The following ANKRD26 variants were observed in gnomAD, a reference collection of about 807,000 sequenced individuals.
ANKRD26 encodes ankyrin repeat domain-containing protein 26.
Under a neutral mutation model 208.7 loss-of-function variants are expected in ANKRD26, and 141 were observed. The ratio of observed to expected loss-of-function variants is 0.68; its 90% CI spans 0.59 to 0.78. ANKRD26 has a LOEUF of 0.78. Ranked by LOEUF, ANKRD26 falls within the 30% of genes least tolerant of loss-of-function variation. The probability of loss-of-function intolerance (pLI) is 0.00; values close to 1 mark genes in which losing one functional copy is unlikely to be tolerated. For missense variants in ANKRD26, 1,889 were observed against 1,938.7 expected (o/e 0.97, Z 0.48); for synonymous variants, 636 against 660.4 (o/e 0.96, Z 0.57).
chr10:27,052,884 A>G (rs1033961579), intron 16 of ANKRD26, among the ~76,000 whole-genome samples: 2 of 152,148 alleles, frequency 1.3e-5, no homozygotes, highest in Non-Finnish European at 2.9e-5. Context: ...GTGACCAGCA[A>G]TATAAGAATG....
intron 4 of ANKRD26, among the ~76,000 whole-genome samples, chr10:26,981,931 T>C (rs982705836): frequency 2.2e-4 from 33 of 152,186 alleles, no homozygotes; most frequent in African/African-American, 7.7e-4. Context: ...ACCCTAATTA[T>C]GTTCCTCTGA....
intron 5 of ANKRD26, among the ~76,000 whole-genome samples, chr10:26,980,538 T>C (rs1312758806): frequency 6.6e-6 from 1 of 152,240 alleles, no homozygotes; most frequent in African/African-American, 2.4e-5. Flanking sequence ...GCTCAGCCTT[T>C]GACCAGGTTT....
At chr10:26,956,236 T>TA in the ANKRD26 span, among the ~76,000 whole-genome samples, 35 of 152,272 alleles carry the variant, frequency 2.3e-4, no homozygotes, top group African/African-American at 8.4e-4. Context: ...GAATTTGGGC[T>TA]AAAAATAGGA....
At chr10:26,953,745 C>A in the ANKRD26 span, among the ~76,000 whole-genome samples, 1 of 152,142 alleles carries the variant, frequency 6.6e-6, no homozygotes, top group Non-Finnish European at 1.5e-5. Flanking sequence ...TTGGAATTTT[C>A]TCTGGGGTTT....
chr10:27,060,807 T>C (rs756731315), intron 13 of ANKRD26, among the ~76,000 whole-genome samples: 11 of 152,214 alleles, frequency 7.2e-5, no homozygotes, highest in Non-Finnish European at 2.9e-5. Flanking sequence ...AATAGAAAAG[T>C]GCACATATAC....
intron 32 of ANKRD26, 65 bp from the exon 33 acceptor site, chr10:27,007,027 T>A (rs960713507): frequency 8.2e-7 from 1 of 1,225,180 alleles, no homozygotes; most frequent in African/African-American, 1.5e-5. Context: ...ATAGAAATGA[T>A]GTATCACTTA....
chr10:27,051,417 A>C (rs2054656058), intron 16 of ANKRD26: 1 of 1,138,220 alleles, frequency 8.8e-7, no homozygotes, highest in South Asian at 2.0e-5. Context: ...ATACTGAGGC[A>C]CACGTCTGAT....
At chr10:27,088,825 A>G (rs2056205029) in intron 4 of ANKRD26, among the ~76,000 whole-genome samples, 1 of 152,216 alleles carries the variant, frequency 6.6e-6, no homozygotes, top group African/African-American at 2.4e-5. Context: ...AATATTTGCT[A>G]GAGAAAAGAC....
intron 25 of ANKRD26, 47 bp downstream of exon 25, chr10:27,033,178 T>C (rs1260364900): frequency 6.8e-7 from 1 of 1,476,762 alleles, no homozygotes; most frequent in African/African-American, 1.4e-5. Flanking sequence ...ACTATATATT[T>C]AACCAGTTAT....
chr10:27,065,837 G>A (rs901901460), intron 11 of ANKRD26, among the ~76,000 whole-genome samples: 1 of 148,134 alleles, frequency 6.8e-6, no homozygotes, highest in African/African-American at 2.5e-5. Flanking sequence ...CTTGGCCATA[G>A]GCTAACCTGA....
chr10:26,950,511 A>T, the ANKRD26 span, among the ~76,000 whole-genome samples: 33 of 152,394 alleles, frequency 2.2e-4, no homozygotes, highest in African/African-American at 7.9e-4. Flanking sequence ...TCATGGGGAC[A>T]GATTCCTCAT....
downstream of ANKRD26, among the ~76,000 whole-genome samples, chr10:26,988,333 C>A (rs2052424131): frequency 6.6e-6 from 1 of 152,112 alleles, no homozygotes; most frequent in Non-Finnish European, 1.5e-5. Context: ...GTGAGCACAG[C>A]TGAAGTTTAT....
At chr10:27,055,354 A>G (rs2054803197) in intron 15 of ANKRD26, among the ~76,000 whole-genome samples, 1 of 152,212 alleles carries the variant, frequency 6.6e-6, no homozygotes, top group African/African-American at 2.4e-5. Flanking sequence ...AAACAAGCAT[A>G]TATATGTATA....
intron 9 of ANKRD26, among the ~76,000 whole-genome samples, chr10:27,071,825 C>T (rs772582460): frequency 1.4e-4 from 21 of 152,144 alleles, no homozygotes; most frequent in Non-Finnish European, 1.3e-4. Context: ...TAACTCCCCC[C>T]GCGCTGGAGC....
chr10:27,092,833 AG>A (rs1372442178), intron 3 of ANKRD26, among the ~76,000 whole-genome samples: 7 of 152,222 alleles, frequency 4.6e-5, no homozygotes, highest in African/African-American at 1.4e-4. Flanking sequence ...CTGTAATATC[AG>A]CACTTTGAGA....
At position 27,100,171 on chromosome 10, in the gene ANKRD26, T is replaced by C. The variant is rs750452895; in HGVS notation, c.156A>G (p.Lys52=). ...VRDRDLGKIH[K]AASAGNVAKV... ...TCGCCACATTACCCGCGCTGGCAGC[T>C]TTGTGGATCTTGCCGAGATCTCGGT... The change falls in exon 1 of 34, where the codon AAA becomes AAG. Residue 52 remains lysine, a synonymous_variant. Transcript: ENST00000376087. 1.9e-6 allele frequency: 3 copies of C among 1,614,094 alleles called. No individual in the cohort carries two copies. The East Asian group carries it at 6.7e-5, about 36-fold the overall frequency.
At chr10:26,974,083 G>C (rs2052188831) in exon 6 of ANKRD26, among the ~76,000 whole-genome samples, 1 of 151,384 alleles carries the variant, frequency 6.6e-6, no homozygotes, top group South Asian at 2.1e-4. Context: ...TACTCTTTTA[G>C]CAATTATCCT....
intron 1 of ANKRD26, among the ~76,000 whole-genome samples, chr10:27,094,285 T>G (rs1205580099): frequency 6.6e-6 from 1 of 152,210 alleles, no homozygotes; most frequent in Non-Finnish European, 1.5e-5. Flanking sequence ...AACAGACTAA[T>G]ACACATGTTA....
At chr10:27,003,970 G>A (rs923429643), downstream of ANKRD26, 2 of 152,102 alleles carry the variant, frequency 1.3e-5, no homozygotes, top group Non-Finnish European at 2.9e-5. Flanking sequence ...CAAAATCTGC[G>A]TAAGGTCTAT....
Sources: allele counts gnomAD v4.1 joint callset (sites outside exome capture counted in the v4.1 genomes callset), GRCh38; gene constraint gnomAD v4.1.1; transcripts MANE v1.5; gene names NCBI Gene and HGNC (gene_info 2026-07-23, HGNC 2026-07-21).